The following PDE11A variants were observed in gnomAD, a reference collection of about 807,000 sequenced individuals.
PDE11A encodes dual 3',5'-cyclic-AMP and -GMP phosphodiesterase 11A.
A neutral mutation model predicts 100.5 loss-of-function variants in PDE11A; 100 were observed. That is an observed-to-expected ratio of 1.00 (90% CI 0.85 to 1.18). The LOEUF is 1.18. PDE11A is among the 50% of genes most tolerant of loss of function. The probability of loss-of-function intolerance (pLI) is 0.00; values close to 1 mark genes in which losing one functional copy is unlikely to be tolerated. For missense variants in PDE11A, 1,141 were observed against 1,152.6 expected, an observed-to-expected ratio of 0.99 and a Z score of 0.15; for synonymous variants, 381 against 420.8, an observed-to-expected ratio of 0.91 and a Z score of 1.16.
At chr2:177,651,861 T>C (rs1381605418) in intron 19 of PDE11A, among the ~76,000 whole-genome samples, 1 of 152,136 alleles carries the variant, frequency 6.6e-6, no homozygotes, top group Non-Finnish European at 1.5e-5. Flanking sequence ...GAAACTCCCC[T>C]AATTCACTGG....
intron 2 of PDE11A, among the ~76,000 whole-genome samples, chr2:177,954,788 C>T (rs752241824): frequency 1.2e-4 from 19 of 152,116 alleles, no homozygotes; most frequent in Admixed American, 3.3e-4. Context: ...CTGGTCTCCA[C>T]CCCCAGGGGA....
At chr2:177,794,989 G>T (rs898989143) in intron 9 of PDE11A, among the ~76,000 whole-genome samples, 79 of 152,248 alleles carry the variant, frequency 5.2e-4, no homozygotes, top group African/African-American at 1.9e-3. Flanking sequence ...GTTTCACTAT[G>T]TTGACCAGGC....
At chr2:177,862,017 T>C (rs574837472) in intron 5 of PDE11A, among the ~76,000 whole-genome samples, 1 of 151,846 alleles carries the variant, frequency 6.6e-6, no homozygotes, top group South Asian at 2.1e-4. Flanking sequence ...AACAATCACT[T>C]CTTAGATATA....
chr2:178,104,555 A>G (rs545927210), intron 1 of PDE11A: 4 of 1,260,770 alleles, frequency 3.2e-6, no homozygotes, highest in South Asian at 2.6e-5. Context: ...AAAGAATTCC[A>G]TCATTTTGAC....
At chr2:177,769,245 A>C in intron 10 of PDE11A, 78 bp downstream of exon 10, 5 of 834,826 alleles carry the variant, frequency 6.0e-6, no homozygotes, top group Non-Finnish European at 8.5e-6. Flanking sequence ...TTAATTCTCT[A>C]GAGGCATGTG....
chr2:177,631,584 T>TATAC (rs1335180484), intron 19 of PDE11A, among the ~76,000 whole-genome samples: 1,287 of 31,038 alleles, frequency 0.041, 77 homozygotes, highest in Non-Finnish European at 0.072. Flanking sequence ...TATATATATA[T>TATAC]ACACACACAT....
At chr2:177,815,576 AC>A (rs1026204622) in intron 9 of PDE11A, among the ~76,000 whole-genome samples, 14 of 151,896 alleles carry the variant, frequency 9.2e-5, no homozygotes, top group Admixed American at 4.6e-4. Flanking sequence ...TTTCCCTCCC[AC>A]CCTCCATTCA....
chr2:177,872,564 C>T (rs753208603), intron 5 of PDE11A, among the ~76,000 whole-genome samples: 1 of 152,122 alleles, frequency 6.6e-6, no homozygotes, highest in Non-Finnish European at 1.5e-5. Flanking sequence ...AATCAGCAAG[C>T]CTCAAACCAG....
intron 4 of PDE11A, among the ~76,000 whole-genome samples, chr2:177,877,610 A>C (rs1334111194): frequency 1.3e-5 from 2 of 152,160 alleles, no homozygotes; most frequent in African/African-American, 4.8e-5. Context: ...TGGTTAATAA[A>C]ATTTCAGGGA....
chr2:177,726,153 T>C (rs750327282), intron 12 of PDE11A, among the ~76,000 whole-genome samples: 1 of 152,106 alleles, frequency 6.6e-6, no homozygotes, highest in Non-Finnish European at 1.5e-5. Flanking sequence ...CCTTCCTTTC[T>C]CACTTGATGG....
chr2:178,000,410 C>T (rs569282999), intron 2 of PDE11A, among the ~76,000 whole-genome samples: 1 of 152,288 alleles, frequency 6.6e-6, no homozygotes, highest in East Asian at 1.9e-4. Context: ...AAGTAAGCTG[C>T]AGGGTAATTT....
At position 177,845,288 on chromosome 2, in the gene PDE11A, G is replaced by A. The variant is rs1232117442; in HGVS notation, c.1368-4905C>T. Among the ~76,000 whole-genome samples the A allele has an allele frequency of 1.3e-4, 19 of 149,780 alleles. 1 individual carries two copies. The East Asian group carries it at 3.6e-3, about 28-fold the overall frequency. The stretch of plus-strand genomic sequence containing the variant: ...CACTTCTCAGACGGGGCGGTTGCCA[G>A]GCAGAGGGTCTCCTCACTTCTCAGA... On this transcript the variant is annotated intron_variant, in intron 5 of 19. Coordinates refer to ENST00000286063, the MANE Select transcript of PDE11A (RefSeq NM_016953.4).
intron 5 of PDE11A, among the ~76,000 whole-genome samples, chr2:177,870,793 A>G (rs371562936): frequency 3.9e-5 from 6 of 152,374 alleles, no homozygotes; most frequent in African/African-American, 1.4e-4. Flanking sequence ...TACTTAGCAC[A>G]TAGTAAAACT....
In PDE11A at chr2:177,750,117, A is replaced by G. The variant is rs191174728; in HGVS notation, c.1788+19206T>C. Among the ~76,000 whole-genome samples the G allele has an allele frequency of 7.6e-4, 116 of 152,348 alleles. 1 individual carries two copies. The highest frequency in any genetic ancestry group is 6.8e-3 in the Middle Eastern group (2 of 294). On this transcript the variant is annotated intron_variant, in intron 10 of 19. Transcript: ENST00000286063. ...CATCGTTAATTTCTGCACATACTCAAGCTCAATATCATTGTCAGTTCGGTT... is the reference window on the plus strand; with the variant it reads ...CATCGTTAATTTCTGCACATACTCAGGCTCAATATCATTGTCAGTTCGGTT...
chr2:177,840,042 A>G (rs1299599271), intron 6 of PDE11A, among the ~76,000 whole-genome samples: 2 of 152,244 alleles, frequency 1.3e-5, no homozygotes, highest in Admixed American at 6.5e-5. Flanking sequence ...ATAAACGAGC[A>G]TCAGACTAAG....
intron 9 of PDE11A, among the ~76,000 whole-genome samples, chr2:177,815,443 A>G (rs1045363896): frequency 6.6e-6 from 1 of 152,166 alleles, no homozygotes; most frequent in Non-Finnish European, 1.5e-5. Context: ...TTATTGATGC[A>G]TCTTATAGAT....
chr2:177,802,684 G>A (rs2082810985), intron 9 of PDE11A, among the ~76,000 whole-genome samples: 1 of 151,998 alleles, frequency 6.6e-6, no homozygotes, highest in African/African-American at 2.4e-5. Flanking sequence ...GGTTGTGTCT[G>A]GGGGTAGCAG....
intron 8 of PDE11A, 141 bp from the exon 9 acceptor site, chr2:177,817,062 T>C (rs535678311): frequency 5.9e-6 from 4 of 675,160 alleles, no homozygotes; most frequent in South Asian, 4.8e-5. Flanking sequence ...AATAGGCACA[T>C]TAAAATTCTT....
rs571756062 is a variant in PDE11A at position 177,999,831 on chromosome 2, A to G, written c.1071+14471T>C. ...TTTAGTTTTATTTAAACCCCCTTTC[A>G]AGAACTGTGTCTAATAGACCTTCAA... On this transcript the variant is annotated intron_variant, in intron 2 of 19. Transcript: ENST00000286063. Among the ~76,000 whole-genome samples the G allele has an allele frequency of 5.3e-5, 8 of 152,332 alleles. No individual in the cohort carries two copies. In the South Asian group the frequency reaches 1.0e-3, roughly 20 times the overall value.
Sources: gnomAD v4.1 joint callset for allele counts (sites outside exome capture counted in the v4.1 genomes callset) on GRCh38, gnomAD v4.1.1 for gene constraint, MANE v1.5 for transcripts, NCBI Gene and HGNC (gene_info 2026-07-23, HGNC 2026-07-21) for gene names.